FRMD4B: variants seen among roughly 807,000 people sequenced by gnomAD.
FRMD4B encodes the protein FERM domain containing 4B, also known as FERM domain-containing protein 4B.
A neutral mutation model predicts 141.5 loss-of-function variants in FRMD4B; 74 were observed. That is an observed-to-expected ratio of 0.52 (90% CI 0.43 to 0.63). The LOEUF (loss-of-function observed/expected upper bound fraction) is 0.63. Among genes scored for constraint, FRMD4B ranks in the 30% least tolerant of loss-of-function variants. The pLI is 0.00. For synonymous variants in FRMD4B, 506 were observed against 467.9 expected, an observed-to-expected ratio of 1.08 and a Z score of -1.05; for missense variants, 1,366 against 1,253.4, an observed-to-expected ratio of 1.09 and a Z score of -1.36.
intron 7 of FRMD4B, among the ~76,000 whole-genome samples, chr3:69,244,982 A>G (rs929015580): frequency 1.3e-5 from 2 of 152,208 alleles, no homozygotes; most frequent in African/African-American, 4.8e-5. Flanking sequence ...CCCATTATTT[A>G]TATGGGAAAC....
At chr3:69,493,545 A>G (rs767309908) in intron 1 of FRMD4B, among the ~76,000 whole-genome samples, 54 of 152,336 alleles carry the variant, frequency 3.5e-4, no homozygotes, top group Non-Finnish European at 6.2e-4. Context: ...GTAAGGAAAC[A>G]TTTTAAGGTC....
At chr3:69,205,115 A>G (rs866139070) in intron 11 of FRMD4B, among the ~76,000 whole-genome samples, 1 of 150,542 alleles carries the variant, frequency 6.6e-6, no homozygotes, top group Non-Finnish European at 1.5e-5. Context: ...TCTTCCTCAA[A>G]TAAAAAAGAA....
chr3:69,504,276 T>G (rs1706556028), intron 1 of FRMD4B, among the ~76,000 whole-genome samples: 1 of 152,210 alleles, frequency 6.6e-6, no homozygotes, highest in Non-Finnish European at 1.5e-5. Context: ...ATTTTTTCAT[T>G]TTAAGTAACC....
At chr3:69,534,959 C>T (rs1207398625) in intron 1 of FRMD4B, among the ~76,000 whole-genome samples, 1 of 144,436 alleles carries the variant, frequency 6.9e-6, no homozygotes, top group Non-Finnish European at 1.5e-5. Context: ...TTTTCCTAGC[C>T]TCCACAAAGC....
intron 3 of FRMD4B, among the ~76,000 whole-genome samples, chr3:69,307,539 C>T (rs1305939206): frequency 2.0e-5 from 3 of 152,022 alleles, no homozygotes; most frequent in Non-Finnish European, 2.9e-5. Flanking sequence ...GGGGTTTTGC[C>T]GTGTTGCCCA....
chr3:69,496,370 G>A (rs555257711), intron 1 of FRMD4B, among the ~76,000 whole-genome samples: 2 of 152,042 alleles, frequency 1.3e-5, no homozygotes, highest in Non-Finnish European at 2.9e-5. Context: ...AATGACCCAG[G>A]ACTGGCCAAT....
chr3:69,492,532 G>A (rs1176516939), intron 1 of FRMD4B, among the ~76,000 whole-genome samples: 1 of 152,146 alleles, frequency 6.6e-6, no homozygotes, highest in Non-Finnish European at 1.5e-5. Flanking sequence ...GAAGGCATGA[G>A]ATATATCTGA....
rs1174887966 is a variant in FRMD4B at position 69,495,468 on chromosome 3, C to A, written c.-129+46738G>T. 5.3e-5 allele frequency among the ~76,000 whole-genome samples: 8 copies of A among 152,180 alleles called. 1 individual carries two copies. The South Asian group carries it at 1.0e-3, about 20-fold the overall frequency. Reference sequence around the variant, plus strand: ...TCTTGGAGCTTATGCTCTCTCTCTGCCCCTGGGCTGTGTCACTCTCTATCG... The same window carrying A: ...TCTTGGAGCTTATGCTCTCTCTCTGACCCTGGGCTGTGTCACTCTCTATCG... On this transcript the variant is annotated intron_variant, in intron 1 of 5. Transcript: ENST00000459638.
chr3:69,204,170 T>C (rs2092998860), intron 11 of FRMD4B, among the ~76,000 whole-genome samples: 1 of 152,074 alleles, frequency 6.6e-6, no homozygotes, highest in African/African-American at 2.4e-5. Flanking sequence ...AAAGGAGGAA[T>C]GTGTCCCAGC....
At chr3:69,231,765 G>A (rs567056870) in intron 7 of FRMD4B, among the ~76,000 whole-genome samples, 145 of 152,326 alleles carry the variant, frequency 9.5e-4, no homozygotes, top group African/African-American at 3.4e-3. Context: ...TAACGTAAGA[G>A]GTTAGAACCT....
At chr3:69,392,947 G>A (rs1441425611) in intron 2 of FRMD4B, among the ~76,000 whole-genome samples, 1 of 152,020 alleles carries the variant, frequency 6.6e-6, no homozygotes, top group Non-Finnish European at 1.5e-5. Flanking sequence ...ATCCTTCAGT[G>A]TTGGCCTCAA....
Position 69,196,291 on chromosome 3 carries a change from A to G in FRMD4B, c.1198T>C (p.Phe400Leu). Reference sequence around the variant, plus strand: ...AAACTGCCATTACTTGCCATGATGAACTGACTTTTCGTCTCCAGTGTCACC... The same window carrying G: ...AAACTGCCATTACTTGCCATGATGAGCTGACTTTTCGTCTCCAGTGTCACC... ...KLVTLETKSQFIMASNGSLIS... is the reference protein window; with the variant it reads ...KLVTLETKSQLIMASNGSLIS... The change falls in exon 14 of 23, where the codon TTC becomes CTC. Residue 400 changes from phenylalanine (F) to leucine (L), a missense_variant. By Grantham distance (22) the Phe-to-Leu change is conservative. Coordinates refer to ENST00000398540, the MANE Select transcript of FRMD4B (RefSeq NM_015123.3). 1.2e-6 allele frequency: 2 copies of G among 1,609,242 alleles called. No individual in the cohort carries two copies. The highest frequency in any genetic ancestry group is 1.7e-6 in the Non-Finnish European group (2 of 1,177,974).
At chr3:69,245,663 TC>T (rs2093419937) in intron 7 of FRMD4B, among the ~76,000 whole-genome samples, 2 of 81,312 alleles carry the variant, frequency 2.5e-5, no homozygotes, top group Admixed American at 1.5e-4. Context: ...GATTTTCTTT[TC>T]TTTTTTTTTT....
chr3:69,353,737 C>T (rs1171287197), intron 1 of FRMD4B: 10 of 980,758 alleles, frequency 1.0e-5, no homozygotes, highest in Non-Finnish European at 1.2e-5. Context: ...CTTCCGCTGC[C>T]ATATAATCTC....
chr3:69,344,677 G>C (rs568641133), intron 1 of FRMD4B, among the ~76,000 whole-genome samples: 5 of 152,250 alleles, frequency 3.3e-5, no homozygotes, highest in African/African-American at 1.2e-4. Context: ...ATAGGATAAA[G>C]TTTCTCCTTT....
intron 1 of FRMD4B, among the ~76,000 whole-genome samples, chr3:69,351,426 A>C (rs953988196): frequency 6.6e-6 from 1 of 152,152 alleles, no homozygotes; most frequent in Non-Finnish European, 1.5e-5. Context: ...AACAAAGAGA[A>C]AGTGTTTTAG....
intron 1 of FRMD4B, among the ~76,000 whole-genome samples, chr3:69,334,657 C>T (rs1199429565): frequency 6.6e-6 from 1 of 151,976 alleles, no homozygotes; most frequent in African/African-American, 2.4e-5. Flanking sequence ...ACTCAATGAC[C>T]CCTGGGTTTC....
Position 69,193,934 on chromosome 3 carries a change from T to C in FRMD4B, c.1489-61A>G, listed in dbSNP as rs200864536. Reference sequence around the variant, plus strand: ...CACATACAATCAACTCTTACATGCATTGTGTAATAAAACTTCCTGTGCACT... The same window carrying C: ...CACATACAATCAACTCTTACATGCACTGTGTAATAAAACTTCCTGTGCACT... On this transcript the variant is annotated intron_variant, in intron 16 of 22. Transcript: ENST00000398540. 1.0e-3 allele frequency: 1,073 copies of C among 1,039,134 alleles called. 1 individual carries two copies. Among genetic ancestry groups the C allele is most frequent in the Middle Eastern group, 4.9e-3 (22 of 4,516 alleles). 64.4% of individuals were successfully genotyped at this position (1,039,134 alleles called of 1,614,324 possible).
At chr3:69,208,128 A>T (rs909133078) in intron 11 of FRMD4B, among the ~76,000 whole-genome samples, 9 of 151,916 alleles carry the variant, frequency 5.9e-5, no homozygotes, top group Non-Finnish European at 1.2e-4. Flanking sequence ...CAATGGTGTG[A>T]TCCTGGCTCA....
Sources: allele counts gnomAD v4.1 joint callset (sites outside exome capture counted in the v4.1 genomes callset), GRCh38; gene constraint gnomAD v4.1.1; transcripts MANE v1.5; gene names NCBI Gene and HGNC (gene_info 2026-07-23, HGNC 2026-07-21).